The following HS6ST3 variants were observed in gnomAD, a reference collection of about 807,000 sequenced individuals.
The protein encoded by HS6ST3 is heparan-sulfate 6-O-sulfotransferase 3.
HS6ST3 carries 12 observed loss-of-function variants against 36.7 expected under a neutral mutation model. That is an observed-to-expected ratio of 0.33 (90% CI 0.21 to 0.53). The LOEUF (loss-of-function observed/expected upper bound fraction) is 0.53, where lower values mean the gene tolerates loss of function less well. HS6ST3 is among the 20% of genes least tolerant of loss of function. The pLI, the probability that HS6ST3 is intolerant of heterozygous loss-of-function variation, is 0.95. For synonymous variants in HS6ST3, 240 were observed against 257.5 expected (o/e 0.93, Z 0.65); for missense variants, 584 against 640.9 (o/e 0.91, Z 0.96).
At chr13:96,458,306 T>TA (rs199923107) in intron 1 of HS6ST3, among the ~76,000 whole-genome samples, 16 of 151,508 alleles carry the variant, frequency 1.1e-4, no homozygotes, top group South Asian at 8.3e-4. Context: ...TATTGCTAGT[T>TA]AAAAAAAAGA....
intron 1 of HS6ST3, among the ~76,000 whole-genome samples, chr13:96,791,937 G>A (rs556039060): frequency 6.6e-6 from 1 of 152,012 alleles, no homozygotes; most frequent in Non-Finnish European, 1.5e-5. Context: ...TATATAAATA[G>A]TATACACACA....
At chr13:96,698,188 C>T (rs570876905) in intron 1 of HS6ST3, among the ~76,000 whole-genome samples, 22 of 152,212 alleles carry the variant, frequency 1.4e-4, no homozygotes, top group African/African-American at 5.3e-4. Flanking sequence ...AATGCTGTCC[C>T]TCCCTGCTCC....
At chr13:96,331,596 G>A (rs1566327541) in intron 1 of HS6ST3, among the ~76,000 whole-genome samples, 4 of 152,086 alleles carry the variant, frequency 2.6e-5, no homozygotes, top group African/African-American at 7.2e-5. Context: ...CTGTCAGACA[G>A]GGACATTTAA....
At chr13:96,157,807 G>A (rs146225206) in intron 1 of HS6ST3, among the ~76,000 whole-genome samples, 38 of 152,254 alleles carry the variant, frequency 2.5e-4, no homozygotes, top group African/African-American at 7.9e-4. Flanking sequence ...GTGTTATTTC[G>A]AATGCGGATT....
intron 1 of HS6ST3, among the ~76,000 whole-genome samples, chr13:96,768,853 C>T (rs1877187455): frequency 6.6e-6 from 1 of 151,974 alleles, no homozygotes; most frequent in African/African-American, 2.4e-5. Flanking sequence ...AAACTCTAAA[C>T]CCATACTTCA....
chr13:96,332,109 A>G (rs969229885), intron 1 of HS6ST3, among the ~76,000 whole-genome samples: 1 of 152,082 alleles, frequency 6.6e-6, no homozygotes, highest in African/African-American at 2.4e-5. Context: ...TGAACCCGGT[A>G]CCTCAGATGG....
chr13:96,177,389 A>G (rs1435252631), intron 1 of HS6ST3, among the ~76,000 whole-genome samples: 4 of 152,222 alleles, frequency 2.6e-5, no homozygotes, highest in Non-Finnish European at 4.4e-5. Flanking sequence ...CATCAATGAC[A>G]GATTGGATAA....
intron 1 of HS6ST3, among the ~76,000 whole-genome samples, chr13:96,194,899 T>C (rs2054305003): frequency 6.6e-6 from 1 of 152,224 alleles, no homozygotes; most frequent in Non-Finnish European, 1.5e-5. Flanking sequence ...ATAACAGTTA[T>C]CTATCATTTC....
chr13:96,566,142 A>C (rs868783963), intron 1 of HS6ST3, among the ~76,000 whole-genome samples: 83 of 152,220 alleles, frequency 5.5e-4, no homozygotes, highest in African/African-American at 1.4e-3. Flanking sequence ...ATGGGAGAGA[A>C]AATTAAAGAA....
chr13:96,422,383 T>C (rs1488010274), intron 1 of HS6ST3, among the ~76,000 whole-genome samples: 2 of 152,206 alleles, frequency 1.3e-5, no homozygotes, highest in East Asian at 3.9e-4. Context: ...TTCAGAGTTC[T>C]CCAAGAGGTG....
chr13:96,563,651 G>A (rs550769411), intron 1 of HS6ST3, among the ~76,000 whole-genome samples: 1 of 152,324 alleles, frequency 6.6e-6, no homozygotes, highest in East Asian at 1.9e-4. Context: ...GCTGTAATGG[G>A]TGATACAGGG....
rs1417184903 is a variant in HS6ST3 at position 96,213,660 on chromosome 13, A to G, written c.707+122091A>G. On this transcript the variant is annotated intron_variant, in intron 1 of 1. Transcript: ENST00000376705. ...TGAACCACATTAACAGTGCCTCTTT[A>G]TAAAAGGAGAGAAAACTAGGAAAAC... is the stretch of plus-strand genomic sequence containing the variant. Among the ~76,000 whole-genome samples the G allele has an allele frequency of 2.0e-5, 3 of 152,102 alleles. No individual in the cohort carries two copies. The East Asian group carries it at 5.8e-4, about 30-fold the overall frequency.
chr13:96,650,478 G>A (rs1217952523), intron 1 of HS6ST3, among the ~76,000 whole-genome samples: 1 of 151,904 alleles, frequency 6.6e-6, no homozygotes, highest in Non-Finnish European at 1.5e-5. Flanking sequence ...AAGGAATAAG[G>A]TACATTCTGA....
At chr13:96,306,057 G>C (rs532819923) in intron 1 of HS6ST3, among the ~76,000 whole-genome samples, 1 of 149,690 alleles carries the variant, frequency 6.7e-6, no homozygotes, top group African/African-American at 2.5e-5. Flanking sequence ...TCAGCCTCCC[G>C]AGTAGCTGGG....
At chr13:96,396,455 G>T (rs2055421953) in intron 1 of HS6ST3, among the ~76,000 whole-genome samples, 1 of 151,856 alleles carries the variant, frequency 6.6e-6, no homozygotes, top group Non-Finnish European at 1.5e-5. Context: ...AATTAATCCT[G>T]CCCAGCCCAG....
chr13:96,285,210 C>T (rs564587307), intron 1 of HS6ST3, among the ~76,000 whole-genome samples: 1 of 152,136 alleles, frequency 6.6e-6, no homozygotes, highest in Non-Finnish European at 1.5e-5. Context: ...GCTGAAAGAT[C>T]TACAACTCTG....
At chr13:96,689,008 G>T (rs1874863101) in intron 1 of HS6ST3, among the ~76,000 whole-genome samples, 1 of 151,992 alleles carries the variant, frequency 6.6e-6, no homozygotes, top group South Asian at 2.1e-4. Context: ...TTCTGCTAGG[G>T]GCTTGCATTT....
At chr13:96,820,041 A>T (rs1446251416) in intron 1 of HS6ST3, among the ~76,000 whole-genome samples, 2 of 151,964 alleles carry the variant, frequency 1.3e-5, no homozygotes, top group Non-Finnish European at 1.5e-5. Flanking sequence ...GTGCCACTGC[A>T]CTCCAGCCTG....
intron 1 of HS6ST3, among the ~76,000 whole-genome samples, chr13:96,252,913 T>G (rs967553673): frequency 1.2e-4 from 18 of 152,120 alleles, no homozygotes; most frequent in African/African-American, 4.1e-4. Flanking sequence ...GGCACTATGT[T>G]TCCTCTGCAG....
Sources: gnomAD v4.1 joint callset for allele counts (sites outside exome capture counted in the v4.1 genomes callset) on GRCh38, gnomAD v4.1.1 for gene constraint, MANE v1.5 for transcripts, NCBI Gene and HGNC (gene_info 2026-07-23, HGNC 2026-07-21) for gene names.